LRBA: variants seen among roughly 807,000 people sequenced by gnomAD.
The protein encoded by LRBA is LPS responsive beige-like anchor protein.
Under a neutral mutation model 330.0 loss-of-function variants are expected in LRBA, and 176 were observed. The observed-to-expected ratio is 0.53, with a 90% CI of 0.47 to 0.60. The LOEUF is 0.60. Ranked by LOEUF, LRBA falls within the 20% of genes least tolerant of loss-of-function variation. LRBA has a pLI of 0.00. For synonymous variants in LRBA, 1,230 were observed against 1,193.0 expected (o/e 1.03, Z -0.64); for missense variants, 3,259 against 3,444.8 (o/e 0.95, Z 1.35).
At chr4:150,886,222 T>C (rs1216253778) in intron 17 of LRBA, among the ~76,000 whole-genome samples, 1 of 152,204 alleles carries the variant, frequency 6.6e-6, no homozygotes, top group Non-Finnish European at 1.5e-5. Context: ...ATTTTTTTCC[T>C]TTCTCTCTTC....
At chr4:150,735,472 G>A (rs994318973) in intron 35 of LRBA, 106 bp from the exon 36 acceptor site, 6 of 754,288 alleles carry the variant, frequency 8.0e-6, no homozygotes, top group Admixed American at 5.8e-5. Flanking sequence ...TTCTTCTTTT[G>A]ACATCATACA....
intron 36 of LRBA, among the ~76,000 whole-genome samples, chr4:150,691,686 T>A (rs1223787866): frequency 2.6e-5 from 4 of 152,212 alleles, no homozygotes; most frequent in Non-Finnish European, 4.4e-5. Context: ...CATGTAGCAA[T>A]CCTACTCCTA....
intron 38 of LRBA, chr4:150,597,031 T>G: frequency 1.1e-6 from 1 of 905,222 alleles, no homozygotes; most frequent in Non-Finnish European, 1.7e-6. Flanking sequence ...TTTAACATTT[T>G]GGAGTATGAC....
Position 150,914,273 on chromosome 4 carries a change from C to A in LRBA, c.1083G>T (p.Met361Ile), listed in dbSNP as rs1560998754. 1 of 1,607,970 alleles carries A rather than the reference C, an allele frequency of 6.2e-7. No individual in the cohort carries two copies. Residue 361 changes from methionine to isoleucine, a missense_variant, in exon 9 of 57, where the codon ATG becomes ATT. By Grantham distance (10) the Met-to-Ile change is conservative. Transcript: ENST00000651943. Reference protein sequence around the residue: ...ADANRVFCGQMTAVYLFSEAL... With the variant: ...ADANRVFCGQITAVYLFSEAL... ...CTTCACTGAAAAGGTAAACTGCAGT[C>A]ATCTGACCACAGAATACTCTATTAG...
intron 40 of LRBA, among the ~76,000 whole-genome samples, chr4:150,544,636 T>C (rs538153146): frequency 6.6e-6 from 1 of 152,298 alleles, no homozygotes; most frequent in African/African-American, 2.4e-5. Flanking sequence ...TTGAAGCTTG[T>C]TGTTCACCCC....
chr4:150,837,588 G>A (rs2126855867), intron 28 of LRBA, among the ~76,000 whole-genome samples: 1 of 152,240 alleles, frequency 6.6e-6, no homozygotes, highest in Non-Finnish European at 1.5e-5. Flanking sequence ...TTTAAAGTCT[G>A]TTTTATCAGA....
chr4:150,413,684 G>A (rs1747333872), intron 47 of LRBA, among the ~76,000 whole-genome samples: 4 of 152,184 alleles, frequency 2.6e-5, no homozygotes, highest in African/African-American at 9.7e-5. Context: ...GTGTTCTAAA[G>A]CTGGAATGTA....
chr4:150,488,217 T>C (rs1011869121), intron 41 of LRBA, among the ~76,000 whole-genome samples: 4 of 151,710 alleles, frequency 2.6e-5, no homozygotes, highest in African/African-American at 9.7e-5. Flanking sequence ...AAGGTATTTC[T>C]AGGAGTTTCC....
At chr4:150,831,427 G>C (rs1747170462) in intron 29 of LRBA, among the ~76,000 whole-genome samples, 1 of 151,986 alleles carries the variant, frequency 6.6e-6, no homozygotes, top group Non-Finnish European at 1.5e-5. Context: ...TTCTATAATT[G>C]CAACAGCTAC....
At chr4:150,340,827 A>G (rs1735429481) in intron 48 of LRBA, among the ~76,000 whole-genome samples, 3 of 152,220 alleles carry the variant, frequency 2.0e-5, no homozygotes, top group Admixed American at 2.0e-4. Context: ...TCATGTAATC[A>G]GGAACAGAAA....
At chr4:150,707,298 A>G (rs1298894768) in intron 36 of LRBA, among the ~76,000 whole-genome samples, 2 of 151,712 alleles carry the variant, frequency 1.3e-5, no homozygotes, top group African/African-American at 4.8e-5. Flanking sequence ...CTTCTATATA[A>G]AAGTTTCAGA....
chr4:150,325,552 C>G (rs187714699), intron 49 of LRBA, among the ~76,000 whole-genome samples: 23 of 152,188 alleles, frequency 1.5e-4, no homozygotes, highest in African/African-American at 5.1e-4. Flanking sequence ...GGATTCATGA[C>G]AATTATGGAC....
intron 2 of LRBA, among the ~76,000 whole-genome samples, chr4:150,932,745 A>AT (rs1403294235): frequency 6.6e-6 from 1 of 151,810 alleles, no homozygotes; most frequent in Non-Finnish European, 1.5e-5. Flanking sequence ...GCAAAATCCC[A>AT]TCTCTACTAA....
At chr4:150,383,634 A>G (rs547771804) in intron 47 of LRBA, among the ~76,000 whole-genome samples, 1 of 152,318 alleles carries the variant, frequency 6.6e-6, no homozygotes, top group South Asian at 2.1e-4. Flanking sequence ...TCTGCCACGC[A>G]GGTATCATAT....
At chr4:150,387,828 A>C (rs951487985) in intron 47 of LRBA, among the ~76,000 whole-genome samples, 3 of 152,216 alleles carry the variant, frequency 2.0e-5, no homozygotes, top group African/African-American at 4.8e-5. Flanking sequence ...TCAATAAAGC[A>C]ACTGTAATTA....
At chr4:150,351,360 A>G (rs192437797) in intron 47 of LRBA, among the ~76,000 whole-genome samples, 231 of 152,304 alleles carry the variant, frequency 1.5e-3, no homozygotes, top group Non-Finnish European at 2.4e-3. Context: ...ATTAAAATCA[A>G]AGAGTTTTCA....
At chr4:150,676,206 T>A (rs1161197523) in intron 37 of LRBA, among the ~76,000 whole-genome samples, 1 of 152,210 alleles carries the variant, frequency 6.6e-6, no homozygotes, top group Non-Finnish European at 1.5e-5. Flanking sequence ...GCTCTTTCCA[T>A]AAAATCACAC....
chr4:150,879,447 G>T (rs1330051103), intron 17 of LRBA, among the ~76,000 whole-genome samples: 1 of 152,042 alleles, frequency 6.6e-6, no homozygotes, highest in Non-Finnish European at 1.5e-5. Flanking sequence ...ATTCCTTTGA[G>T]AACTGGAGCA....
chr4:150,579,190 G>A (rs1013637753), intron 40 of LRBA: 2 of 456,456 alleles, frequency 4.4e-6, no homozygotes, highest in Non-Finnish European at 8.8e-6. Flanking sequence ...ACACCATCAA[G>A]GAGCTGCTGA....
Sources: gnomAD v4.1 joint callset for allele counts (sites outside exome capture counted in the v4.1 genomes callset) on GRCh38, gnomAD v4.1.1 for gene constraint, MANE v1.5 for transcripts, NCBI Gene and HGNC (gene_info 2026-07-23, HGNC 2026-07-21) for gene names.